Variants in GNA13 observed in about 807,000 individuals in gnomAD.
GNA13 encodes the protein G protein subunit alpha 13.
Under a neutral mutation model 33.5 loss-of-function variants are expected in GNA13, and 4 were observed. The ratio of observed to expected loss-of-function variants is 0.12; its 90% confidence interval spans 0.06 to 0.27. GNA13 has a LOEUF of 0.27. Among genes scored for constraint, GNA13 ranks in the 10% least tolerant of loss-of-function variants. The pLI is 1.00. For missense variants in GNA13, 319 were observed against 487.2 expected, an observed-to-expected ratio of 0.65 and a Z score of 3.25; for synonymous variants, 176 against 183.8, an observed-to-expected ratio of 0.96 and a Z score of 0.34.
Position 65,014,407 on chromosome 17 carries a change from T to C in GNA13, c.984A>G (p.Glu328=), listed in dbSNP as rs751094630. 5 of 1,614,048 alleles carry C rather than the reference T, an allele frequency of 3.1e-6. No individual in the cohort carries two copies. The highest frequency in any genetic ancestry group is 4.2e-6 in the Non-Finnish European group (5 of 1,180,036). ...GGTCCCGGCGTTTGTTCCGGAAACA[T>C]TCCACCAGGAATTTTTGGACGTCTC... is the stretch of plus-strand genomic sequence containing the variant. ...CLRDVQKFLV[E]CFRNKRRDQQ... is the part of the protein sequence containing the mutation. The change falls in exon 4 of 4, where the codon GAA becomes GAG. Residue 328 remains glutamate, a synonymous_variant. Transcript: ENST00000439174. This position sits in a 1 kb window ranked among gnomAD's most constrained non-coding sequence, Gnocchi z 5.3.
At chr17:65,031,047 A>G (rs1378423891) in intron 2 of GNA13, among the ~76,000 whole-genome samples, 2 of 152,238 alleles carry the variant, frequency 1.3e-5, no homozygotes, top group Non-Finnish European at 2.9e-5. Context: ...AGTATAATTC[A>G]AAGTTAATAT....
At position 65,012,167 on chromosome 17, in the gene GNA13, CTT is replaced by C. The variant is rs1388266600; in HGVS notation, c.*2088_*2089del. ...AAAGGGGGAAACTTGGTGATTTCTG[CTT>C]TGTCAGGCAATATCTATGGTTCGTA... On this transcript the variant is annotated 3_prime_UTR_variant, in exon 4 of 4. Transcript: ENST00000439174. 1 of 222,260 alleles carries C rather than the reference CTT, an allele frequency of 4.5e-6. No homozygotes were observed. Among genetic ancestry groups the C allele is most frequent in the Non-Finnish European group, 9.0e-6 (1 of 111,084 alleles). 13.8% of individuals were successfully genotyped at this position (222,260 alleles called of 1,614,324 possible).
intron 2 of GNA13, among the ~76,000 whole-genome samples, chr17:65,039,446 A>G (rs60605808): frequency 1.3e-5 from 2 of 152,342 alleles, no homozygotes; most frequent in East Asian, 1.9e-4. Context: ...AACATGGGCT[A>G]CAAGGCCTGG....
At position 65,012,038 on chromosome 17, in the gene GNA13, G is replaced by A. The variant is rs1045300082; in HGVS notation, c.*2219C>T. 4.4e-6 allele frequency: 1 copy of A among 228,474 alleles called. No homozygotes were observed. Among genetic ancestry groups the A allele is most frequent in the Middle Eastern group, 1.3e-3 (1 of 754 alleles). The allele number at this position is 228,474 out of a possible 1,614,324, so 14.2% of individuals were successfully genotyped here. A position where few individuals can be genotyped will look rare whatever the true frequency, so the allele number is the denominator to read the frequency against. On this transcript the variant is annotated 3_prime_UTR_variant, in exon 4 of 4. Coordinates refer to ENST00000439174, the MANE Select transcript of GNA13 (RefSeq NM_006572.6). Reference sequence around the variant, plus strand: ...TCAAAATATAGTCTAGATTTTAAAAGAATGTTGATTCTGAGACATTACATG... The same window carrying A: ...TCAAAATATAGTCTAGATTTTAAAAAAATGTTGATTCTGAGACATTACATG...
chr17:65,029,756 A>G (rs1426168721), intron 2 of GNA13, among the ~76,000 whole-genome samples: 4 of 152,304 alleles, frequency 2.6e-5, no homozygotes, highest in African/African-American at 9.6e-5. Flanking sequence ...ATAGCTACAT[A>G]AACATCTGTT....
At chr17:65,055,244 A>C (rs566872661) in intron 1 of GNA13, among the ~76,000 whole-genome samples, 187 of 152,336 alleles carry the variant, frequency 1.2e-3, no homozygotes, top group Non-Finnish European at 1.5e-3. Context: ...TTTTCTATAG[A>C]ACATACTTGA....
intron 1 of GNA13, among the ~76,000 whole-genome samples, chr17:65,056,007 C>T (rs937063293): frequency 1.3e-5 from 2 of 152,176 alleles, no homozygotes; most frequent in African/African-American, 4.8e-5. Context: ...ACCCAGCTCG[C>T]CCCACTTCCC....
chr17:65,038,654 T>C (rs1567824401), intron 2 of GNA13, among the ~76,000 whole-genome samples: 2 of 152,138 alleles, frequency 1.3e-5, no homozygotes, highest in Non-Finnish European at 2.9e-5. Context: ...CTCGAGCTCT[T>C]GAGTTCAAGC....
chr17:65,051,394 T>C lies in GNA13; in HGVS notation c.510+2108A>G, dbSNP rs995665478. On this transcript the variant is annotated intron_variant, in intron 2 of 3. Coordinates refer to ENST00000439174, the MANE Select transcript of GNA13 (RefSeq NM_006572.6). ...ACTTTGGGAGGGCAAGGCAGGCAGA[T>C]CACCTGAGGTCAGGAGTTAGAGACC... Among the ~76,000 whole-genome samples the C allele has an allele frequency of 4.6e-5, 7 of 152,118 alleles. 1 individual carries two copies. Among genetic ancestry groups the C allele is most frequent in the Non-Finnish European group, 1.0e-4 (7 of 68,030 alleles).
rs969227546 is a variant in GNA13, at chr17:65,012,867, T to C, written c.*1390A>G. 2 of 220,164 alleles carry C rather than the reference T, an allele frequency of 9.1e-6. No individual in the cohort carries two copies. The highest frequency in any genetic ancestry group is 4.5e-5 in the African/African-American group (2 of 44,588). The allele number at this position is 220,164 out of a possible 1,614,324, so 13.6% of individuals were successfully genotyped here. On this transcript the variant is annotated 3_prime_UTR_variant, in exon 4 of 4. Transcript: ENST00000439174. ...CAGCCTTGGACTTCTGTTTCTCTAA[T>C]TGTAGCACTACATACAGCCTAGAAG...
At position 65,009,977 on chromosome 17, in the gene GNA13, T is replaced by A. The variant is rs560281633; in HGVS notation, c.*4280A>T. 1.3e-5 allele frequency among the ~76,000 whole-genome samples: 2 copies of A among 152,264 alleles called. No homozygotes were observed. The highest frequency in any genetic ancestry group is 4.8e-5 in the African/African-American group (2 of 41,508). On this transcript the variant is annotated 3_prime_UTR_variant, in exon 4 of 4. Transcript: ENST00000439174. ...TCACTGACTGAAATTTTATGCACAC[T>A]GAGTTCCAGCATACTCTGATCCACC...
chr17:65,019,103 T>C (rs1450237455), intron 2 of GNA13, among the ~76,000 whole-genome samples: 1 of 152,124 alleles, frequency 6.6e-6, no homozygotes, highest in Non-Finnish European at 1.5e-5. Flanking sequence ...CAAGTGTTCC[T>C]GAAGCAGCAC....
chr17:65,042,621 C>A (rs1192708839), intron 2 of GNA13, among the ~76,000 whole-genome samples: 2 of 151,922 alleles, frequency 1.3e-5, no homozygotes, highest in Non-Finnish European at 2.9e-5. Flanking sequence ...CCTGTAGTCC[C>A]AGCTACTTGG....
Position 65,027,314 on chromosome 17 carries a change from C to CTT in GNA13, c.511-9013_511-9012dup, listed in dbSNP as rs11393360. 1.6e-3 allele frequency among the ~76,000 whole-genome samples: 225 copies of CTT among 136,820 alleles called. 2 individuals are homozygous for CTT. Among genetic ancestry groups the CTT allele is most frequent in the East Asian group, 4.9e-3 (23 of 4,650 alleles). 89.8% of individuals were successfully genotyped at this position (136,820 alleles called of 152,430 possible). A position where few individuals can be genotyped will look rare whatever the true frequency, so the allele number is the denominator to read the frequency against. ...TTCCCACCTCACACCCCTCCCCCGC[C>CTT]TTTTTTTTTTTTTTAAAGAGATAGG... On this transcript the variant is annotated intron_variant, in intron 2 of 3. Coordinates refer to ENST00000439174, the MANE Select transcript of GNA13 (RefSeq NM_006572.6).
chr17:65,045,485 G>A (rs1019702929), intron 2 of GNA13, among the ~76,000 whole-genome samples: 18 of 117,170 alleles, frequency 1.5e-4, no homozygotes, highest in South Asian at 3.1e-4. Flanking sequence ...TCCAGCCTGG[G>A]CAACAGATCA....
intron 1 of GNA13, among the ~76,000 whole-genome samples, chr17:65,055,303 A>G (rs1209822584): frequency 6.6e-6 from 1 of 152,146 alleles, no homozygotes; most frequent in East Asian, 1.9e-4. Flanking sequence ...AATAAAAACC[A>G]TCTTTTCGAT....
At position 65,044,647 on chromosome 17, in the gene GNA13, GA is replaced by G. The variant is rs780210327; in HGVS notation, c.510+8854del. On this transcript the variant is annotated intron_variant, in intron 2 of 3. Coordinates refer to ENST00000439174, the MANE Select transcript of GNA13 (RefSeq NM_006572.6). ...AAAAACCCCATCTCTTAAAAAAAAG[GA>G]AAAAAAAAAAAGAAAAAACTTTGTG... Among the ~76,000 whole-genome samples the G allele has an allele frequency of 3.6e-3, 487 of 135,382 alleles. 5 individuals are homozygous for G. Among genetic ancestry groups the G allele is most frequent in the African/African-American group, 0.011 (407 of 36,974 alleles). The allele number at this position is 135,382 out of a possible 152,430, so 88.8% of individuals were successfully genotyped here.
Position 65,037,777 on chromosome 17 carries a change from GGAAAA to G in GNA13, c.510+15720_510+15724del, listed in dbSNP as rs1490773478. Among the ~76,000 whole-genome samples the G allele has an allele frequency of 1.2e-4, 10 of 82,060 alleles. 1 individual carries two copies. In the East Asian group the frequency reaches 2.0e-3, roughly 16 times the overall value. 53.8% of individuals were successfully genotyped at this position (82,060 alleles called of 152,430 possible). A position where few individuals can be genotyped will look rare whatever the true frequency, so the allele number is the denominator to read the frequency against. On this transcript the variant is annotated intron_variant, in intron 2 of 3. Coordinates refer to ENST00000439174, the MANE Select transcript of GNA13 (RefSeq NM_006572.6). ...AGAGAGACCCAGCCTCTACAAAAAT[GGAAAA>G]AAAAAAAAAAAAAAAAAAGACAAAA...
At chr17:65,028,568 T>A (rs1322642770) in intron 2 of GNA13, among the ~76,000 whole-genome samples, 1 of 152,108 alleles carries the variant, frequency 6.6e-6, no homozygotes, top group Non-Finnish European at 1.5e-5. Context: ...TGTAATTAGC[T>A]CACTGGTACT....
Sources: gnomAD v4.1 joint callset for allele counts (sites outside exome capture counted in the v4.1 genomes callset) on GRCh38, gnomAD v4.1.1 for gene constraint, Gnocchi (gnomAD v3.1) non-coding constraint, MANE v1.5 for transcripts, NCBI Gene and HGNC (gene_info 2026-07-23, HGNC 2026-07-21) for gene names.